Variants in SETDB1 observed in about 807,000 individuals in gnomAD.
The protein encoded by SETDB1 is histone-lysine N-methyltransferase SETDB1.
SETDB1 carries 31 observed loss-of-function variants against 137.4 expected under a neutral mutation model. That is an observed-to-expected ratio of 0.23 (90% CI 0.17 to 0.30). The LOEUF is 0.30. Ranked by LOEUF, SETDB1 falls within the 10% of genes least tolerant of loss-of-function variation. The pLI is 1.00. For synonymous variants in SETDB1, 548 were observed against 579.9 expected (o/e 0.95, Z 0.79); for missense variants, 1,113 against 1,631.5 (o/e 0.68, Z 5.47).
At position 150,964,023 on chromosome 1, in the gene SETDB1, A is replaced by G. The variant is rs1252065527; in HGVS notation, c.3701A>G (p.Gln1234Arg). ...NHSCSPNLFVQNVFVDTHDLR... is the reference protein window; with the variant it reads ...NHSCSPNLFVRNVFVDTHDLR... Reference sequence around the variant, plus strand: ...AGTTGCAGCCCCAACCTGTTTGTCCAGAATGTCTTCGTGGATACCCATGAT... The same window carrying G: ...AGTTGCAGCCCCAACCTGTTTGTCCGGAATGTCTTCGTGGATACCCATGAT... Residue 1234 changes from glutamine (Q) to arginine (R), a missense_variant, in exon 21 of 22, where the codon CAG becomes CGG. Gln to Arg is a conservative substitution (Grantham distance 43, BLOSUM62 1). Coordinates refer to ENST00000692827, the MANE Select transcript of SETDB1 (RefSeq NM_001366418.1). 1 of 1,614,130 alleles carries G rather than the reference A, an allele frequency of 6.2e-7. No individual in the cohort carries two copies. The highest frequency in any genetic ancestry group is 8.5e-7 in the Non-Finnish European group (1 of 1,180,020).
rs1271517032 is a variant in SETDB1, at chr1:150,959,257, C to T, written c.2413C>T (p.Arg805Trp). 6.2e-7 allele frequency: 1 copy of T among 1,609,446 alleles called. No homozygotes were observed. Among genetic ancestry groups the T allele is most frequent in the Non-Finnish European group, 8.5e-7 (1 of 1,178,568 alleles). Residue 805 changes from arginine to tryptophan, a missense_variant, in exon 15 of 22, where the codon CGG (arginine) becomes TGG (tryptophan). Physicochemically the swap from Arg to Trp is moderately radical, Grantham distance 101 (BLOSUM62 -3). Coordinates refer to ENST00000692827, the MANE Select transcript of SETDB1 (RefSeq NM_001366418.1). ...NRLVQHGLQVRLQLFKTQNKG... is the reference protein window; with the variant it reads ...NRLVQHGLQVWLQLFKTQNKG... Reference sequence around the variant, plus strand: ...GTTGGTGCAACATGGACTACAAGTTCGGCTACAGCTATTCAAGACACAGAA... The same window carrying T: ...GTTGGTGCAACATGGACTACAAGTTTGGCTACAGCTATTCAAGACACAGAA...
intron 9 of SETDB1, among the ~76,000 whole-genome samples, chr1:150,946,202 T>G (rs1186512714): frequency 1.3e-5 from 2 of 151,882 alleles, no homozygotes; most frequent in Middle Eastern, 3.4e-3. Context: ...GTATTTTTAG[T>G]AGAGACGGGT....
At chr1:150,964,142 GC>G in intron 21 of SETDB1, 59 bp downstream of exon 21, 2 of 1,543,562 alleles carry the variant, frequency 1.3e-6, no homozygotes, top group South Asian at 2.2e-5. Context: ...AGTTCTAAGG[GC>G]CCCTCCTCCA....
intron 9 of SETDB1, among the ~76,000 whole-genome samples, chr1:150,945,568 A>G (rs1670297401): frequency 6.6e-6 from 1 of 152,184 alleles, no homozygotes. Flanking sequence ...TAAAAGTTTT[A>G]AAAACATTTT....
In SETDB1 at chr1:150,962,968, C is replaced by T. The variant is rs374591945; in HGVS notation, c.3295-6C>T. On this transcript the variant is annotated splice_polypyrimidine_tract_variant and splice_region_variant and intron_variant, in intron 18 of 21. Coordinates refer to ENST00000692827, the MANE Select transcript of SETDB1 (RefSeq NM_001366418.1). Reference sequence around the variant, plus strand: ...TCTCTTACTTCTTACCCTCCTGCTTCCCCAGGATGTCCTGACACTGTCCAG... The same window carrying T: ...TCTCTTACTTCTTACCCTCCTGCTTTCCCAGGATGTCCTGACACTGTCCAG... The T allele has an allele frequency of 6.2e-7, 1 of 1,612,446 alleles. No individual in the cohort carries two copies. Among genetic ancestry groups the T allele is most frequent in the Non-Finnish European group, 8.5e-7 (1 of 1,178,844 alleles).
At chr1:150,949,801 A>G (rs587654183) in intron 12 of SETDB1, among the ~76,000 whole-genome samples, 1 of 152,324 alleles carries the variant, frequency 6.6e-6, no homozygotes, top group East Asian at 1.9e-4. Context: ...ATAGAAAGGA[A>G]ACACCACAGC....
At chr1:150,928,474 T>C (rs1439635609) in intron 2 of SETDB1, among the ~76,000 whole-genome samples, 1 of 152,218 alleles carries the variant, frequency 6.6e-6, no homozygotes, top group East Asian at 1.9e-4. Context: ...CTTAGAACAA[T>C]TGCTTCATTT....
intron 14 of SETDB1, among the ~76,000 whole-genome samples, chr1:150,952,322 C>G (rs922321477): frequency 6.6e-6 from 1 of 152,034 alleles, no homozygotes; most frequent in Non-Finnish European, 1.5e-5. Flanking sequence ...TATAGGAGTA[C>G]AGCAGAGAGA....
intron 14 of SETDB1, among the ~76,000 whole-genome samples, chr1:150,957,551 A>G (rs1670680941): frequency 6.6e-6 from 1 of 152,178 alleles, no homozygotes; most frequent in South Asian, 2.1e-4. Context: ...ATACCAAGAA[A>G]ATAAGTAAAA....
rs1432013000 is a variant in SETDB1, at chr1:150,964,069, C to T, written c.3747C>T (p.Ala1249=). Residue 1249 remains alanine (A), a synonymous_variant, in exon 21 of 22, where the codon GCC becomes GCT. Coordinates refer to ENST00000692827, the MANE Select transcript of SETDB1 (RefSeq NM_001366418.1). ...DTHDLRFPWV[A]FFASKRIRAG... is the part of the protein sequence containing the mutation. The stretch of plus-strand genomic sequence containing the variant: ...ATGATCTTCGCTTCCCCTGGGTGGC[C>T]TTCTTTGCCAGCAAGTAAGGAGTCA... 1 of 1,614,018 alleles carries T rather than the reference C, an allele frequency of 6.2e-7. No homozygotes were observed. The highest frequency in any genetic ancestry group is 8.5e-7 in the Non-Finnish European group (1 of 1,179,946).
chr1:150,964,146 C>G, intron 21 of SETDB1, 63 bp downstream of exon 21: 1 of 1,536,006 alleles, frequency 6.5e-7, no homozygotes, highest in Non-Finnish European at 9.0e-7. Context: ...CTAAGGGCCC[C>G]TCCTCCATTC....
chr1:150,933,704 G>C (rs111472153), intron 3 of SETDB1, among the ~76,000 whole-genome samples: 11 of 148,588 alleles, frequency 7.4e-5, no homozygotes, highest in African/African-American at 2.5e-4. Context: ...CCTTCTTAAA[G>C]TCAAACAAAC....
rs778368890 is a variant in SETDB1, at chr1:150,963,132, C to T, written c.3453C>T (p.Asn1151=). The T allele has an allele frequency of 1.2e-6, 2 of 1,611,500 alleles. No homozygotes were observed. Among genetic ancestry groups the T allele is most frequent in the Non-Finnish European group, 1.7e-6 (2 of 1,178,162 alleles). ...SEGDDFEDKK[N]MTGPMKRQVA... is the part of the protein sequence containing the mutation. ...GGGATGACTTTGAGGACAAGAAGAA[C>T]ATGACTGGTAGCCTGGAAAAATTTT... Residue 1151 remains asparagine, a synonymous_variant, in exon 19 of 22, where the codon AAC becomes AAT. Transcript: ENST00000692827.
chr1:150,960,754 C>G lies in SETDB1; in HGVS notation c.2695C>G (p.Pro899Ala). The G allele has an allele frequency of 6.2e-7, 1 of 1,610,898 alleles. No individual in the cohort carries two copies. The highest frequency in any genetic ancestry group is 8.5e-7 in the Non-Finnish European group (1 of 1,178,408). The change falls in exon 16 of 22, where the codon CCT becomes GCT. Residue 899 changes from proline to alanine, a missense_variant. Physicochemically the swap from Pro to Ala is conservative, Grantham distance 27. Around this residue, in one of 11 missense-constraint regions of SETDB1, gnomAD observed 373 missense variants for 412.7 expected, o/e 0.90. Coordinates refer to ENST00000692827, the MANE Select transcript of SETDB1 (RefSeq NM_001366418.1). ...QEDGNSGTED[P>A]EESNDDSSDD... Reference sequence around the variant, plus strand: ...AGATGGCAACAGCGGTACAGAGGACCCTGAAGAGTCCAATGATGATAGCTC... The same window carrying G: ...AGATGGCAACAGCGGTACAGAGGACGCTGAAGAGTCCAATGATGATAGCTC...
chr1:150,936,923 G>A (rs1320555253), intron 3 of SETDB1, among the ~76,000 whole-genome samples: 2 of 152,114 alleles, frequency 1.3e-5, no homozygotes, highest in East Asian at 3.9e-4. Flanking sequence ...TCAGGAGTTC[G>A]AGACCAGCCT....
chr1:150,960,263 C>T (rs1670780362), intron 15 of SETDB1, among the ~76,000 whole-genome samples: 1 of 151,806 alleles, frequency 6.6e-6, no homozygotes, highest in South Asian at 2.1e-4. Context: ...CACCTGAGGT[C>T]AGGAGTTCGA....
chr1:150,962,716 T>TGATGTAAGTCAC lies in SETDB1; in HGVS notation c.3292_3294+9dup. 1 of 1,613,430 alleles carries TGATGTAAGTCAC rather than the reference T, an allele frequency of 6.2e-7. No individual in the cohort carries two copies. Among genetic ancestry groups the TGATGTAAGTCAC allele is most frequent in the Non-Finnish European group, 8.5e-7 (1 of 1,179,612 alleles). On this transcript the variant is annotated inframe_insertion, in exon 18 of 22. Transcript: ENST00000692827. The stretch of plus-strand genomic sequence containing the variant: ...TCATGGCTTCTGCTCAGTCCAACCC[T>TGATGTAAGTCAC]GATGTAAGTCACCTCAAGCTTATTC...
At chr1:150,939,682 G>A (rs1309256248) in intron 3 of SETDB1, among the ~76,000 whole-genome samples, 3 of 151,788 alleles carry the variant, frequency 2.0e-5, no homozygotes, top group African/African-American at 4.8e-5. Flanking sequence ...TCTTGAACTG[G>A]CCTCAGTCAG....
chr1:150,958,063 G>A (rs1670702923), intron 14 of SETDB1, among the ~76,000 whole-genome samples: 1 of 151,556 alleles, frequency 6.6e-6, no homozygotes, highest in Non-Finnish European at 1.5e-5. Context: ...GCGCGTGCCT[G>A]TAATCTCAGC....
Sources: gnomAD v4.1 joint callset for allele counts (sites outside exome capture counted in the v4.1 genomes callset) on GRCh38, gnomAD v4.1.1 for gene constraint, gnomAD v4.1.1 regional missense constraint, MANE v1.5 for transcripts, NCBI Gene and HGNC (gene_info 2026-07-23, HGNC 2026-07-21) for gene names.